The following FAM53A variants were observed in gnomAD, a reference collection of about 807,000 sequenced individuals.
The protein encoded by FAM53A is family with sequence similarity 53 member A.
Under a neutral mutation model 26.6 loss-of-function variants are expected in FAM53A, and 28 were observed. The ratio of observed to expected loss-of-function variants is 1.05; its 90% CI spans 0.78 to 1.45. FAM53A has a LOEUF of 1.45. Ranked by LOEUF, FAM53A falls within the 40% of genes most tolerant of loss-of-function variation. The pLI, the probability that FAM53A is intolerant of heterozygous loss-of-function variation, is 0.00. For synonymous variants in FAM53A, 290 were observed against 253.1 expected (o/e 1.15, Z -1.38); for missense variants, 650 against 575.8 (o/e 1.13, Z -1.32).
At position 1,630,762 on chromosome 4, in the gene FAM53A, G is replaced by A. The variant is rs1386799200; in HGVS notation, c.432-12651C>T. On this transcript the variant is annotated intron_variant, in intron 1 of 1. Transcript: ENST00000489029. This position sits in a 1 kb window ranked among gnomAD's most constrained non-coding sequence, Gnocchi z 4.3. ...AGGCTGCCAGGGCAGGGCAGGGTGG[G>A]GAGCGCCCACTCGTGGGGAGGGGGC... 2.0e-5 allele frequency among the ~76,000 whole-genome samples: 3 copies of A among 152,158 alleles called. No homozygotes were observed. The highest frequency in any genetic ancestry group is 7.2e-5 in the African/African-American group (3 of 41,420).
intron 2 of FAM53A, among the ~76,000 whole-genome samples, chr4:1,658,042 G>A (rs758085481): frequency 8.1e-4 from 123 of 151,118 alleles, no homozygotes; most frequent in Non-Finnish European, 1.5e-3. Context: ...ACAGAGTCTC[G>A]CTCTGTTGCT....
chr4:1,648,437 G>A (rs990079363), intron 4 of FAM53A, among the ~76,000 whole-genome samples: 4 of 152,254 alleles, frequency 2.6e-5, no homozygotes, highest in African/African-American at 9.6e-5. Context: ...GAAAGAGGGA[G>A]AGCAGGCAGC....
chr4:1,577,254 G>A, the FAM53A span, among the ~76,000 whole-genome samples: 4 of 152,226 alleles, frequency 2.6e-5, no homozygotes, highest in Non-Finnish European at 4.4e-5. Context: ...TGTGCCAGAC[G>A]AATGGACCTG....
chr4:1,585,918 G>A, the FAM53A span, among the ~76,000 whole-genome samples: 1 of 152,138 alleles, frequency 6.6e-6, no homozygotes, highest in Admixed American at 6.5e-5. Context: ...TGTATTTTTA[G>A]TACAGACAGG....
At chr4:1,648,754 C>T (rs1049782855) in intron 4 of FAM53A, among the ~76,000 whole-genome samples, 3 of 152,262 alleles carry the variant, frequency 2.0e-5, no homozygotes, top group Middle Eastern at 6.8e-3. Context: ...AGGTTGAGTC[C>T]CAGGAGCAGA....
intron 1 of FAM53A, among the ~76,000 whole-genome samples, chr4:1,674,087 T>C (rs1714869598): frequency 6.6e-6 from 1 of 152,230 alleles, no homozygotes; most frequent in Non-Finnish European, 1.5e-5. Flanking sequence ...AAAAGTTTAC[T>C]CTCACAGTTC....
At chr4:1,683,905 G>T in intron 1 of FAM53A, 1 of 152,240 alleles carries the variant, frequency 6.6e-6, no homozygotes, top group African/African-American at 2.4e-5. Context: ...CGCCGGGGAA[G>T]TCTGGCCTCC....
At chr4:1,675,723 C>A (rs1714996611) in intron 1 of FAM53A, among the ~76,000 whole-genome samples, 1 of 152,234 alleles carries the variant, frequency 6.6e-6, no homozygotes, top group Non-Finnish European at 1.5e-5. Context: ...GAAAGCAGAT[C>A]ACAATGCTCT....
the FAM53A span, among the ~76,000 whole-genome samples, chr4:1,599,761 C>T: frequency 5.3e-5 from 8 of 152,170 alleles, no homozygotes; most frequent in Non-Finnish European, 8.8e-5. The surrounding 1 kb of genome is among the most constrained non-coding windows in gnomAD (Gnocchi z 6.1). Context: ...CACCCCGCCA[C>T]CTGCCAGCCA....
the FAM53A span, among the ~76,000 whole-genome samples, chr4:1,591,108 T>C: frequency 6.7e-4 from 102 of 151,604 alleles, no homozygotes; most frequent in African/African-American, 2.4e-3. Context: ...GACATTAGAA[T>C]TGCTATCCCA....
At chr4:1,618,686 C>T (rs1204324968) in intron 1 of FAM53A, among the ~76,000 whole-genome samples, 4 of 152,196 alleles carry the variant, frequency 2.6e-5, no homozygotes, top group Non-Finnish European at 2.9e-5. Context: ...TCCATGCCGC[C>T]GGCCTCCCAG....
the FAM53A span, among the ~76,000 whole-genome samples, chr4:1,602,517 T>A: frequency 6.6e-6 from 1 of 152,214 alleles, no homozygotes; most frequent in African/African-American, 2.4e-5. Context: ...CCGAGAGATA[T>A]CTGAGGTGGG....
chr4:1,577,879 G>C, the FAM53A span, among the ~76,000 whole-genome samples: 3 of 151,974 alleles, frequency 2.0e-5, no homozygotes, highest in Admixed American at 2.0e-4. Flanking sequence ...AGGCTCTGCC[G>C]GGACCAGGCA....
chr4:1,666,907 A>C (rs1180535812), intron 2 of FAM53A, among the ~76,000 whole-genome samples: 1 of 152,208 alleles, frequency 6.6e-6, no homozygotes, highest in East Asian at 1.9e-4. Flanking sequence ...AGGCAGGCAG[A>C]TCATGAGGTC....
At chr4:1,655,844 T>C in intron 3 of FAM53A, 121 bp from the exon 4 acceptor site, 1 of 1,207,710 alleles carries the variant, frequency 8.3e-7, no homozygotes, top group South Asian at 1.7e-5. Flanking sequence ...CCGCCACCCC[T>C]GGGCGTGCTT....
intron 1 of FAM53A, among the ~76,000 whole-genome samples, chr4:1,622,932 G>T (rs909382284): frequency 1.3e-5 from 2 of 152,250 alleles, no homozygotes; most frequent in East Asian, 3.8e-4. Context: ...TGAACCTCAC[G>T]CTTTGCCTGG....
intron 4 of FAM53A, among the ~76,000 whole-genome samples, chr4:1,642,833 C>T (rs1287917463): frequency 1.3e-5 from 2 of 152,258 alleles, no homozygotes; most frequent in African/African-American, 4.8e-5. Flanking sequence ...CTCGACCACA[C>T]CACGCTGGCT....
In FAM53A at chr4:1,629,826, G is replaced by A. The variant is rs1017047664; in HGVS notation, c.432-11715C>T. ...CTGAGAACAAGGCTGGGCCCACCCC[G>A]GCCCACCCACAGCTCATCTCTGTGG... On this transcript the variant is annotated intron_variant, in intron 1 of 1. Coordinates refer to the FAM53A transcript ENST00000489029. Among the ~76,000 whole-genome samples the A allele has an allele frequency of 5.5e-5, 8 of 145,900 alleles. No individual in the cohort carries two copies. The East Asian group carries it at 6.6e-4, about 12-fold the overall frequency.
At chr4:1,591,503 C>A in the FAM53A span, among the ~76,000 whole-genome samples, 3 of 152,202 alleles carry the variant, frequency 2.0e-5, no homozygotes, top group Non-Finnish European at 2.9e-5. Context: ...ATGGTAAGCT[C>A]TGCCAGGATG....
Sources: allele counts gnomAD v4.1 joint callset (sites outside exome capture counted in the v4.1 genomes callset), GRCh38; gene constraint gnomAD v4.1.1; non-coding constraint Gnocchi (gnomAD v3.1); transcripts MANE v1.5; gene names NCBI Gene and HGNC (gene_info 2026-07-23, HGNC 2026-07-21).